PCDH17: variants seen among roughly 807,000 people sequenced by gnomAD.
PCDH17 encodes the protein protocadherin 17.
A neutral mutation model predicts 67.7 loss-of-function variants in PCDH17; 21 were observed. The ratio of observed to expected loss-of-function variants is 0.31; its 90% CI spans 0.22 to 0.45. PCDH17 has a LOEUF of 0.45. Ranked by LOEUF, PCDH17 falls within the 20% of genes least tolerant of loss-of-function variation. The pLI, the probability that PCDH17 is intolerant of heterozygous loss-of-function variation, is 1.00. For synonymous variants in PCDH17, 701 were observed against 656.7 expected (o/e 1.07, Z -1.03); for missense variants, 1,471 against 1,564.8 (o/e 0.94, Z 1.01).
chr13:57,702,295 T>C (rs34686646), intron 3 of PCDH17, among the ~76,000 whole-genome samples: 4,898 of 151,352 alleles, frequency 0.032, 188 homozygotes, highest in African/African-American at 0.086. Flanking sequence ...CTAAACAGAG[T>C]TTGTGCCTGA....
chr13:57,641,587 AATAT>A (rs1166347188), intron 1 of PCDH17, among the ~76,000 whole-genome samples: 616 of 20,534 alleles, frequency 0.03, 15 homozygotes, highest in South Asian at 0.047. Context: ...AAAAAAAAAA[AATAT>A]ATATATATAT....
rs141923007 is a variant in PCDH17 at position 57,697,887 on chromosome 13, A to C, written c.2798-26725A>C. ...CATTAAATAAACTTAAATTATATTT[A>C]TTATGTGAAATTAAATAGATCATAA... On this transcript the variant is annotated intron_variant, in intron 3 of 3. Transcript: ENST00000377918. 2.3e-3 allele frequency among the ~76,000 whole-genome samples: 342 copies of C among 151,688 alleles called. 4 individuals are homozygous for C. The highest frequency in any genetic ancestry group is 6.8e-3 in the Middle Eastern group (2 of 294).
chr13:57,719,291 C>CAGA (rs1955852997), intron 3 of PCDH17, among the ~76,000 whole-genome samples: 1 of 151,984 alleles, frequency 6.6e-6, no homozygotes, highest in Non-Finnish European at 1.5e-5. Flanking sequence ...GTTTACAAAA[C>CAGA]AGAAATAAGA....
At chr13:57,660,071 C>A (rs968007596) in intron 1 of PCDH17, among the ~76,000 whole-genome samples, 2 of 151,890 alleles carry the variant, frequency 1.3e-5, no homozygotes, top group Non-Finnish European at 2.9e-5. Context: ...CCCGTCTATA[C>A]TAAAGAAGAA....
At chr13:57,671,336 T>C (rs2138031580) in intron 3 of PCDH17, among the ~76,000 whole-genome samples, 1 of 151,912 alleles carries the variant, frequency 6.6e-6, no homozygotes, top group South Asian at 2.1e-4. Flanking sequence ...TTAATGATTT[T>C]ATATTTTGGA....
At chr13:57,644,248 A>C (rs921897839) in intron 1 of PCDH17, among the ~76,000 whole-genome samples, 3 of 151,612 alleles carry the variant, frequency 2.0e-5, no homozygotes, top group Admixed American at 6.6e-5. Flanking sequence ...AATCCCACTC[A>C]CAGGACATTT....
intron 3 of PCDH17, among the ~76,000 whole-genome samples, chr13:57,700,817 C>G (rs1955656097): frequency 6.6e-6 from 1 of 152,032 alleles, no homozygotes; most frequent in Non-Finnish European, 1.5e-5. Flanking sequence ...AAATTCAGAA[C>G]AAACACTTCT....
Position 57,712,624 on chromosome 13 carries a change from G to A in PCDH17, c.2798-11988G>A, listed in dbSNP as rs188092062. 1.3e-3 allele frequency among the ~76,000 whole-genome samples: 199 copies of A among 151,252 alleles called. 3 individuals carry two copies. The highest frequency in any genetic ancestry group is 1.7e-3 in the Admixed American group (26 of 15,144). ...TAATGAATATGAAAATTGTTAAATG[G>A]CTCCTTGAAAATACCTTTGGTAGCA... On this transcript the variant is annotated intron_variant, in intron 3 of 3. Coordinates refer to ENST00000377918, the MANE Select transcript of PCDH17 (RefSeq NM_001040429.3).
intron 3 of PCDH17, among the ~76,000 whole-genome samples, chr13:57,674,598 G>A (rs8002164): frequency 0.27 from 41,476 of 151,768 alleles, 6,984 homozygotes; most frequent in East Asian, 0.55. Flanking sequence ...AAGTGCTGGG[G>A]TCACCAGTTA....
intron 3 of PCDH17, among the ~76,000 whole-genome samples, chr13:57,720,667 C>T (rs1026462032): frequency 2.6e-5 from 4 of 151,830 alleles, no homozygotes; most frequent in Admixed American, 6.6e-5. Flanking sequence ...ATTTTATTAA[C>T]GAATTTTTAG....
chr13:57,634,029 C>T lies in PCDH17; in HGVS notation c.1483C>T (p.Leu495Phe). The T allele has an allele frequency of 6.2e-7, 1 of 1,613,450 alleles. No homozygotes were observed. The highest frequency in any genetic ancestry group is 8.5e-7 in the Non-Finnish European group (1 of 1,180,038). ...CCCGGGAGAGTACCTGGGCTCTGTGCTCGCCCAGGATCCCGACCTGGGCCA... is the reference window on the plus strand; with the variant it reads ...CCCGGGAGAGTACCTGGGCTCTGTGTTCGCCCAGGATCCCGACCTGGGCCA... Reference protein sequence around the residue: ...NIPGEYLGSVLAQDPDLGQNG... With the variant: ...NIPGEYLGSVFAQDPDLGQNG... Residue 495 changes from leucine to phenylalanine, a missense_variant, in exon 1 of 4, where the codon CTC (leucine) becomes TTC (phenylalanine). Physicochemically the swap from Leu to Phe is conservative, Grantham distance 22. Transcript: ENST00000377918. The surrounding 1 kb of genome is among the most constrained non-coding windows in gnomAD (Gnocchi z 7.8).
At chr13:57,673,383 C>T (rs1273491234) in intron 3 of PCDH17, among the ~76,000 whole-genome samples, 1 of 151,956 alleles carries the variant, frequency 6.6e-6, no homozygotes, top group Non-Finnish European at 1.5e-5. Flanking sequence ...TGTTTAGGGG[C>T]ACTGGCTCTT....
intron 3 of PCDH17, among the ~76,000 whole-genome samples, chr13:57,724,371 T>A (rs1236037477): frequency 1.3e-5 from 2 of 152,230 alleles, no homozygotes; most frequent in South Asian, 4.1e-4. Flanking sequence ...AATGGCCACA[T>A]CTTACTTCTT....
Position 57,634,329 on chromosome 13 carries a change from C to G in PCDH17, c.1783C>G (p.Leu595Val), listed in dbSNP as rs1797653886. 6.2e-7 allele frequency: 1 copy of G among 1,612,894 alleles called. No individual in the cohort carries two copies. The highest frequency in any genetic ancestry group is 1.1e-5 in the South Asian group (1 of 91,076). ...LPTLQNDTAE[L>V]QVPRNAGLGY... is the part of the protein sequence containing the mutation. ...CACGCTGCAGAACGACACCGCGGAGCTGCAGGTGCCGCGCAACGCTGGCCT... is the reference window on the plus strand; with the variant it reads ...CACGCTGCAGAACGACACCGCGGAGGTGCAGGTGCCGCGCAACGCTGGCCT... Residue 595 changes from leucine (L) to valine (V), a missense_variant, in exon 1 of 4, where the codon CTG becomes GTG. Transcript: ENST00000377918. This position sits in a 1 kb window ranked among gnomAD's most constrained non-coding sequence, Gnocchi z 7.8.
At chr13:57,690,429 T>A (rs1024574279) in intron 3 of PCDH17, among the ~76,000 whole-genome samples, 1 of 151,392 alleles carries the variant, frequency 6.6e-6, no homozygotes, top group Non-Finnish European at 1.5e-5. Flanking sequence ...TAATAAAGAG[T>A]GTAGGAGATT....
chr13:57,630,452 A>G (rs1445050687), upstream of PCDH17, among the ~76,000 whole-genome samples: 4 of 152,170 alleles, frequency 2.6e-5, no homozygotes, highest in East Asian at 7.7e-4. Context: ...ATCTTGAACT[A>G]TGATGCGAGG....
rs542055227 is a variant in PCDH17, at chr13:57,700,806, A to G, written c.2798-23806A>G. On this transcript the variant is annotated intron_variant, in intron 3 of 3. Transcript: ENST00000377918. ...AAAATCTGAACTAGACTAGACTAGA[A>G]AAATTCAGAACAAACACTTCTGAAA... Among the ~76,000 whole-genome samples, 5 of 152,264 alleles carry G rather than the reference A, an allele frequency of 3.3e-5. No homozygotes were observed. The East Asian group carries it at 9.7e-4, about 29-fold the overall frequency.
intron 1 of PCDH17, among the ~76,000 whole-genome samples, chr13:57,639,701 AGTTC>A (rs1954867347): frequency 6.6e-6 from 1 of 151,858 alleles, no homozygotes; most frequent in Non-Finnish European, 1.5e-5. Flanking sequence ...GAGTTGTGTG[AGTTC>A]TATAATTTCA....
intron 1 of PCDH17, among the ~76,000 whole-genome samples, chr13:57,640,844 A>G (rs1479860704): frequency 1.3e-5 from 2 of 152,086 alleles, no homozygotes; most frequent in Non-Finnish European, 2.9e-5. Flanking sequence ...CCTAATGCTG[A>G]GAAGTCTTGC....
Sources: gnomAD v4.1 joint callset for allele counts (sites outside exome capture counted in the v4.1 genomes callset) on GRCh38, gnomAD v4.1.1 for gene constraint, Gnocchi (gnomAD v3.1) non-coding constraint, MANE v1.5 for transcripts, NCBI Gene and HGNC (gene_info 2026-07-23, HGNC 2026-07-21) for gene names.